Variants in DNAH11 observed in about 807,000 individuals in gnomAD.
DNAH11 encodes axonemal beta dynein heavy chain 11.
DNAH11 carries 442 observed loss-of-function variants against 526.0 expected under a neutral mutation model. The observed-to-expected ratio is 0.84, with a 90% CI of 0.78 to 0.91. DNAH11 has a LOEUF of 0.91. Ranked by LOEUF, DNAH11 falls within the 40% of genes least tolerant of loss-of-function variation. The pLI, the probability that DNAH11 is intolerant of heterozygous loss-of-function variation, is 0.00. For missense variants in DNAH11, 6,989 were observed against 5,448.7 expected (o/e 1.28, Z -8.90); for synonymous variants, 2,461 against 1,935.9 (o/e 1.27, Z -7.12).
chr7:21,785,986 T>C (rs1788159619), intron 58 of DNAH11, among the ~76,000 whole-genome samples: 1 of 152,204 alleles, frequency 6.6e-6, no homozygotes, highest in South Asian at 2.1e-4. Context: ...GAGCTTCTTA[T>C]ATGTGCTATT....
chr7:21,892,632 A>C lies in DNAH11; in HGVS notation c.12715A>C (p.Ser4239Arg). ...GGAGATGCAGCCCAGGAATGCACTC[A>C]GTGGTGATGAACTGGGGCAGTCTAC... ...LLEMQPRNAL[S>R]GDELGQSTEE... The change falls in exon 77 of 82, where the codon AGT becomes CGT. Residue 4239 changes from serine (S) to arginine (R), a missense_variant. Physicochemically the swap from Ser to Arg is moderately radical, Grantham distance 110 (BLOSUM62 -1). Transcript: ENST00000409508. 1 of 1,612,062 alleles carries C rather than the reference A, an allele frequency of 6.2e-7. No homozygotes were observed. Among genetic ancestry groups the C allele is most frequent in the Non-Finnish European group, 8.5e-7 (1 of 1,178,748 alleles).
intron 20 of DNAH11, among the ~76,000 whole-genome samples, chr7:21,613,649 T>A (rs1195494260): frequency 6.6e-6 from 1 of 152,348 alleles, no homozygotes; most frequent in African/African-American, 2.4e-5. Context: ...CAACGTACTG[T>A]ATTTTGAAAA....
chr7:21,760,863 G>T (rs1786868789), intron 54 of DNAH11, among the ~76,000 whole-genome samples: 1 of 73,216 alleles, frequency 1.4e-5, no homozygotes, highest in Admixed American at 1.8e-4. Flanking sequence ...AGCCCCTAAG[G>T]TGTAAATAAA....
Position 21,549,127 on chromosome 7 carries a change from C to T in DNAH11, c.495+3978C>T, listed in dbSNP as rs541270576. On this transcript the variant is annotated intron_variant, in intron 2 of 81. Transcript: ENST00000409508. Reference sequence around the variant, plus strand: ...CTCCTGACCTCAGGTGATACACTCACCTTGGCCTCCCAAAGTCCTGGGAAT... The same window carrying T: ...CTCCTGACCTCAGGTGATACACTCATCTTGGCCTCCCAAAGTCCTGGGAAT... Among the ~76,000 whole-genome samples the T allele has an allele frequency of 2.0e-5, 3 of 152,282 alleles. No individual in the cohort carries two copies. In the East Asian group the frequency reaches 5.8e-4, roughly 29 times the overall value.
intron 18 of DNAH11, among the ~76,000 whole-genome samples, chr7:21,604,885 G>A (rs1785223675): frequency 6.6e-6 from 1 of 152,174 alleles, no homozygotes; most frequent in Non-Finnish European, 1.5e-5. Flanking sequence ...TGTACAGAGG[G>A]CGGATGCAGA....
In DNAH11 at chr7:21,543,359, G is replaced by GGAGGAGA; in HGVS notation, c.115_121dup (p.Asn41ArgfsTer67). ...TGGGCGCTGTGGAGCTCGAGGAGGA[G>GGAGGAGA]GAGGAGAACGAGGAGGAGGCGGCGG... On this transcript the variant is annotated frameshift_variant, in exon 1 of 82. Transcript: ENST00000409508. LOFTEE classifies it high-confidence loss of function. The GGAGGAGA allele has an allele frequency of 6.4e-7, 1 of 1,551,546 alleles. No homozygotes were observed. The highest frequency in any genetic ancestry group is 8.7e-7 in the Non-Finnish European group (1 of 1,146,832).
intron 55 of DNAH11, among the ~76,000 whole-genome samples, chr7:21,768,242 TG>T (rs1488089413): frequency 1.3e-5 from 2 of 152,126 alleles, no homozygotes. Flanking sequence ...TGGGTAAACC[TG>T]GGAACAGTGT....
intron 55 of DNAH11, among the ~76,000 whole-genome samples, chr7:21,769,657 G>C (rs1293503487): frequency 6.6e-6 from 1 of 151,796 alleles, no homozygotes; most frequent in Non-Finnish European, 1.5e-5. Context: ...GCTAATTTTT[G>C]TACTTTTAGT....
intron 20 of DNAH11, among the ~76,000 whole-genome samples, chr7:21,611,550 C>G (rs1034719709): frequency 1.3e-5 from 2 of 152,086 alleles, no homozygotes; most frequent in Non-Finnish European, 2.9e-5. Flanking sequence ...AAACATGAAT[C>G]GATAGATTCA....
intron 6 of DNAH11, among the ~76,000 whole-genome samples, chr7:21,566,737 A>T (rs758219228): frequency 6.6e-5 from 10 of 152,212 alleles, no homozygotes; most frequent in Non-Finnish European, 1.3e-4. Context: ...ATGTGACCTA[A>T]TACATGGTAT....
chr7:21,567,543 G>C (rs141561738), intron 6 of DNAH11, among the ~76,000 whole-genome samples: 2 of 152,170 alleles, frequency 1.3e-5, no homozygotes, highest in Non-Finnish European at 2.9e-5. Flanking sequence ...AAAACTCAGA[G>C]ATCTTGCTAC....
Position 21,658,808 on chromosome 7 carries a change from G to A in DNAH11, c.5105G>A (p.Trp1702Ter). The change falls in exon 30 of 82, where the codon TGG becomes TAG. Residue 1702 changes from tryptophan (W) to a stop codon, truncating the protein, a stop_gained. Coordinates refer to ENST00000409508, the MANE Select transcript of DNAH11 (RefSeq NM_001277115.2). LOFTEE classifies it high-confidence loss of function. ...ECECVGHVETWLLQLEQTMQE... is the reference protein window; with the variant it reads ...ECECVGHVET ...AACTTGCTTCCAAAGGTGGAAACAT[G>A]GCTTCTGCAACTTGAACAGACTATG... 6.3e-7 allele frequency: 1 copy of A among 1,578,446 alleles called. No individual in the cohort carries two copies. The highest frequency in any genetic ancestry group is 8.6e-7 in the Non-Finnish European group (1 of 1,161,706).
At position 21,894,822 on chromosome 7, in the gene DNAH11, G is replaced by T. The variant is rs1784450029; in HGVS notation, c.12933+17G>T. The T allele has an allele frequency of 1.9e-6, 3 of 1,610,108 alleles. No homozygotes were observed. Among genetic ancestry groups the T allele is most frequent in the Admixed American group, 1.7e-5 (1 of 59,766 alleles). ...AGTTTGAAGGTAAGCTTAAAGTGAG[G>T]CTATAGTAGACTTCAGCACATTGGA... is the stretch of plus-strand genomic sequence containing the variant. On this transcript the variant is annotated intron_variant, in intron 78 of 81. Coordinates refer to ENST00000409508, the MANE Select transcript of DNAH11 (RefSeq NM_001277115.2).
At chr7:21,565,424 A>G (rs1039111614) in intron 6 of DNAH11, among the ~76,000 whole-genome samples, 1 of 152,236 alleles carries the variant, frequency 6.6e-6, no homozygotes, top group Non-Finnish European at 1.5e-5. Context: ...TATTTTTCAA[A>G]TGAATTAACC....
At chr7:21,687,569 C>T (rs1307264488) in intron 34 of DNAH11, 42 bp downstream of exon 34, 1 of 1,593,976 alleles carries the variant, frequency 6.3e-7, no homozygotes, top group Admixed American at 1.8e-5. Context: ...AATAGAAAAA[C>T]ATGGAATAAT....
At chr7:21,745,213 T>C in intron 51 of DNAH11, 150 bp downstream of exon 51, 1 of 806,750 alleles carries the variant, frequency 1.2e-6, no homozygotes, top group Non-Finnish European at 1.9e-6. Flanking sequence ...AAAGGGTCGC[T>C]TTTTAATGTC....
intron 9 of DNAH11, among the ~76,000 whole-genome samples, chr7:21,585,573 T>C (rs1055723327): frequency 6.6e-6 from 1 of 152,172 alleles, no homozygotes; most frequent in Non-Finnish European, 1.5e-5. Flanking sequence ...GTGCTGGTGC[T>C]CACCAAAAAC....
chr7:21,870,727 A>T (rs544702924), intron 73 of DNAH11, among the ~76,000 whole-genome samples: 37 of 152,230 alleles, frequency 2.4e-4, no homozygotes, highest in African/African-American at 7.9e-4. Flanking sequence ...ATTTTAACAT[A>T]AAAAAAACTT....
At chr7:21,700,396 G>A (rs918771517) in intron 36 of DNAH11, among the ~76,000 whole-genome samples, 1 of 152,170 alleles carries the variant, frequency 6.6e-6, no homozygotes, top group African/African-American at 2.4e-5. Context: ...TTTGACCATT[G>A]GAATGATATA....
Sources: gnomAD v4.1 joint callset for allele counts (sites outside exome capture counted in the v4.1 genomes callset) on GRCh38, gnomAD v4.1.1 for gene constraint, MANE v1.5 for transcripts, NCBI Gene and HGNC (gene_info 2026-07-23, HGNC 2026-07-21) for gene names.